Variants in ZNF292 observed in about 807,000 individuals in gnomAD.
The protein encoded by ZNF292 is 16 zinc-finger domain protein.
ZNF292 carries 26 observed loss-of-function variants against 217.9 expected under a neutral mutation model. That is an observed-to-expected ratio of 0.12 (90% CI 0.09 to 0.17). The LOEUF (loss-of-function observed/expected upper bound fraction) is 0.17. Among genes scored for constraint, ZNF292 ranks in the 10% least tolerant of loss-of-function variants. The pLI, the probability that ZNF292 is intolerant of heterozygous loss-of-function variation, is 1.00. For missense variants in ZNF292, 2,904 were observed against 3,175.2 expected, an observed-to-expected ratio of 0.91 and a Z score of 2.05; for synonymous variants, 1,257 against 1,124.1, an observed-to-expected ratio of 1.12 and a Z score of -2.37.
intron 1 of ZNF292, among the ~76,000 whole-genome samples, chr6:87,162,426 T>C (rs1373108814): frequency 2.6e-5 from 4 of 152,208 alleles, no homozygotes; most frequent in Non-Finnish European, 1.5e-5. Flanking sequence ...TTTTTGACTA[T>C]TAGAGGCTAT....
intron 1 of ZNF292, among the ~76,000 whole-genome samples, chr6:87,189,370 A>G (rs1233063666): frequency 6.6e-6 from 1 of 152,074 alleles, no homozygotes; most frequent in Non-Finnish European, 1.5e-5. Context: ...AGTATGTGTC[A>G]CAATTAATGA....
intron 1 of ZNF292, among the ~76,000 whole-genome samples, chr6:87,194,460 C>T (rs913512583): frequency 2.6e-5 from 4 of 152,186 alleles, no homozygotes; most frequent in African/African-American, 9.6e-5. Context: ...TTAACTTGCA[C>T]ATCTGACCAA....
In ZNF292 at chr6:87,168,497, G is replaced by T. The variant is rs549628139; in HGVS notation, c.168+12738G>T. Among the ~76,000 whole-genome samples the T allele has an allele frequency of 7.2e-4, 109 of 152,132 alleles. 1 individual carries two copies. Among genetic ancestry groups the T allele is most frequent in the Admixed American group, 7.1e-3 (108 of 15,292 alleles). On this transcript the variant is annotated intron_variant, in intron 1 of 7. Coordinates refer to ENST00000369577, the MANE Select transcript of ZNF292 (RefSeq NM_015021.3). ...CTTCGTAATAGTTTTTTTTGAGGTCGAGTTTCGCTCTTGTCAGGCTGGAGT... is the reference window on the plus strand; with the variant it reads ...CTTCGTAATAGTTTTTTTTGAGGTCTAGTTTCGCTCTTGTCAGGCTGGAGT...
Position 87,216,392 on chromosome 6 carries a change from C to T in ZNF292, c.402+15C>T, listed in dbSNP as rs745837953. ...CACTGGTGCAGGTGAGAATCTTTAT[C>T]TTTAGATTTAATACAGGTATATCTT... On this transcript the variant is annotated intron_variant, in intron 3 of 7. Coordinates refer to ENST00000369577, the MANE Select transcript of ZNF292 (RefSeq NM_015021.3). 1 of 1,548,046 alleles carries T rather than the reference C, an allele frequency of 6.5e-7. No homozygotes were observed. The highest frequency in any genetic ancestry group is 1.2e-5 in the South Asian group (1 of 84,214).
intron 1 of ZNF292, among the ~76,000 whole-genome samples, chr6:87,207,379 A>T (rs762866826): frequency 5.3e-5 from 8 of 152,196 alleles, no homozygotes; most frequent in Non-Finnish European, 8.8e-5. Context: ...TTCAAGTCTA[A>T]GTATTCTCTG....
intron 7 of ZNF292, among the ~76,000 whole-genome samples, chr6:87,252,543 G>T (rs1032987235): frequency 2.0e-5 from 3 of 152,152 alleles, no homozygotes; most frequent in African/African-American, 7.2e-5. Context: ...GTAAGAACTT[G>T]TACCAGTTCT....
Position 87,244,509 on chromosome 6 carries a change from T to G in ZNF292, c.878+898T>G, listed in dbSNP as rs559101650. Among the ~76,000 whole-genome samples, 19 of 152,312 alleles carry G rather than the reference T, an allele frequency of 1.2e-4. 1 individual carries two copies. The South Asian group carries it at 3.9e-3, about 32-fold the overall frequency. On this transcript the variant is annotated intron_variant, in intron 6 of 7. Coordinates refer to ENST00000369577, the MANE Select transcript of ZNF292 (RefSeq NM_015021.3). Reference sequence around the variant, plus strand: ...TCATATGCTAAGCAAAAGCAGTCCATTATAAGCTCTTGAAGGGCAACATAG... The same window carrying G: ...TCATATGCTAAGCAAAAGCAGTCCAGTATAAGCTCTTGAAGGGCAACATAG...
chr6:87,177,131 C>T (rs751126054), intron 1 of ZNF292, among the ~76,000 whole-genome samples: 11 of 152,146 alleles, frequency 7.2e-5, no homozygotes, highest in Non-Finnish European at 1.0e-4. Context: ...AGTTCAAGAC[C>T]AGCTTGGCCA....
In ZNF292 at chr6:87,243,585, C is replaced by T. The variant is rs370652338; in HGVS notation, c.852C>T (p.Leu284=). The change falls in exon 6 of 8, where the codon CTC becomes CTT. Residue 284 remains leucine (L), a synonymous_variant. Transcript: ENST00000369577. ...GTACTGCGTTTTTGTCACGTCAGCT[C>T]CAACAAGGAGATATGTACTGCGCTT... ...VLCTAFLSRQ[L]QQGDMYCAWE... 3.0e-5 allele frequency: 46 copies of T among 1,549,202 alleles called. 1 individual carries two copies. The highest frequency in any genetic ancestry group is 3.9e-5 in the Non-Finnish European group (45 of 1,146,216).
intron 1 of ZNF292, among the ~76,000 whole-genome samples, chr6:87,202,081 A>G (rs966331322): frequency 2.0e-5 from 3 of 152,228 alleles, no homozygotes; most frequent in African/African-American, 7.2e-5. Flanking sequence ...TAGAATCAAC[A>G]TGTCAAATTC....
intron 1 of ZNF292, among the ~76,000 whole-genome samples, chr6:87,212,189 T>A (rs1380875066): frequency 6.6e-6 from 1 of 152,134 alleles, no homozygotes; most frequent in Non-Finnish European, 1.5e-5. Flanking sequence ...AAGAAGTACC[T>A]AGGGTGAGAT....
chr6:87,160,427 T>G (rs1175566368), intron 1 of ZNF292, among the ~76,000 whole-genome samples: 1 of 152,050 alleles, frequency 6.6e-6, no homozygotes, highest in African/African-American at 2.4e-5. Context: ...TGACAGTTGT[T>G]TTGAAGGGTT....
At position 87,258,197 on chromosome 6, in the gene ZNF292, TAAATG is replaced by T. The variant is rs780462304; in HGVS notation, c.4569_4573del (p.Ala1525GlyfsTer26). On this transcript the variant is annotated frameshift_variant, in exon 8 of 8. Coordinates refer to ENST00000369577, the MANE Select transcript of ZNF292 (RefSeq NM_015021.3). LOFTEE classifies it high-confidence loss of function. ...GGTTGTGTCTCTGATGCATCACAAG[TAAATG>T]CAACGGTGATGCCAAATCCAACTGT... The T allele has an allele frequency of 1.2e-6, 2 of 1,611,702 alleles. No individual in the cohort carries two copies. The highest frequency in any genetic ancestry group is 2.2e-5 in the South Asian group (2 of 90,622).
At chr6:87,161,426 A>C (rs898371818) in intron 1 of ZNF292, among the ~76,000 whole-genome samples, 1 of 152,128 alleles carries the variant, frequency 6.6e-6, no homozygotes, top group Non-Finnish European at 1.5e-5. Flanking sequence ...GTTTTGCTTT[A>C]TTTTTATTTT....
chr6:87,257,621 G>C lies in ZNF292; in HGVS notation c.3992G>C (p.Ser1331Thr). The C allele has an allele frequency of 6.2e-7, 1 of 1,608,134 alleles. No individual in the cohort carries two copies. The highest frequency in any genetic ancestry group is 8.5e-7 in the Non-Finnish European group (1 of 1,176,970). ...PSQVNVANNF[S>T]STNAQQSAPE... The stretch of plus-strand genomic sequence containing the variant: ...CAAGTGAATGTTGCAAATAACTTCA[G>C]TAGCACCAATGCCCAACAGTCTGCA... The change falls in exon 8 of 8, where the codon AGT becomes ACT. Residue 1331 changes from serine (S) to threonine (T), a missense_variant. Ser to Thr is a moderately conservative substitution (Grantham distance 58). This residue lies in a region of ZNF292 where 687 missense variants were observed against 623.0 expected (regional missense o/e 1.10). Coordinates refer to ENST00000369577, the MANE Select transcript of ZNF292 (RefSeq NM_015021.3).
At position 87,218,713 on chromosome 6, in the gene ZNF292, C is replaced by A; in HGVS notation, c.520C>A (p.Pro174Thr). The A allele has an allele frequency of 6.3e-7, 1 of 1,587,974 alleles. No homozygotes were observed. The highest frequency in any genetic ancestry group is 8.5e-7 in the Non-Finnish European group (1 of 1,170,000). ...ACTGTGCACTATTCTTTCCCAGGAA[C>A]CATTGGATAAGGATAAAGGTAAATT... Reference protein sequence around the residue: ...PVLCTILSQEPLDKDKVNEFL... With the variant: ...PVLCTILSQETLDKDKVNEFL... The change falls in exon 4 of 8, where the codon CCA (proline) becomes ACA (threonine). Residue 174 changes from proline (P) to threonine (T), a missense_variant. By Grantham distance (38) the Pro-to-Thr change is conservative (BLOSUM62 -1). Coordinates refer to ENST00000369577, the MANE Select transcript of ZNF292 (RefSeq NM_015021.3).
intron 1 of ZNF292, chr6:87,169,853 G>C (rs971687392): frequency 4.0e-6 from 1 of 247,044 alleles, no homozygotes; most frequent in African/African-American, 2.3e-5. Flanking sequence ...TTGCCATGTT[G>C]CCCAGACTGG....
intron 5 of ZNF292, among the ~76,000 whole-genome samples, chr6:87,238,760 T>C (rs954849394): frequency 1.3e-5 from 2 of 151,522 alleles, no homozygotes; most frequent in African/African-American, 2.4e-5. Flanking sequence ...AGGACAATAG[T>C]GGAGGGAAGG....
chr6:87,253,752 TTC>T (rs1447557822), intron 7 of ZNF292, among the ~76,000 whole-genome samples: 1 of 151,738 alleles, frequency 6.6e-6, no homozygotes, highest in African/African-American at 2.4e-5. Context: ...GCCCTATCAG[TTC>T]TCTCTACTTA....
Sources: allele counts gnomAD v4.1 joint callset (sites outside exome capture counted in the v4.1 genomes callset), GRCh38; gene constraint gnomAD v4.1.1; regional missense constraint gnomAD v4.1.1; transcripts MANE v1.5; gene names NCBI Gene and HGNC (gene_info 2026-07-23, HGNC 2026-07-21).